The following CD99 variants were observed in gnomAD, a reference collection of about 807,000 sequenced individuals.
CD99 encodes CD99 molecule (Xg blood group).
A neutral mutation model predicts 28.4 loss-of-function variants in CD99; 19 were observed. That is an observed-to-expected ratio of 0.67 (90% confidence interval 0.47 to 0.98). The LOEUF is 0.98. Among genes scored for constraint, CD99 ranks in the 50% least tolerant of loss-of-function variants. The probability of loss-of-function intolerance (pLI) is 0.00; values close to 1 mark genes in which losing one functional copy is unlikely to be tolerated. For synonymous variants in CD99, 103 were observed against 92.1 expected (o/e 1.12, Z -0.67); for missense variants, 283 against 248.8 (o/e 1.14, Z -0.92).
intron 1 of CD99, among the ~76,000 whole-genome samples, chrX:2,713,405 A>G (rs776503657): frequency 3.2e-5 from 2 of 62,982 alleles, no homozygotes; most frequent in East Asian, 1.4e-3. Context: ...ACCCACACAT[A>G]CATGCACCTG....
Position 2,714,574 on chromosome X carries a change from C to A in CD99, c.100+120C>A, listed in dbSNP as rs775205818. The A allele has an allele frequency of 5.0e-5, 42 of 834,030 alleles. No homozygotes were observed. The South Asian group carries it at 6.6e-4, about 13-fold the overall frequency. The allele number at this position is 834,030 out of a possible 1,614,324, so 51.7% of individuals were successfully genotyped here. ...ACCACCGCAATAACAGGAGTCATAG[C>A]AATTTTTGGCTTCCCAGTACATATA... On this transcript the variant is annotated intron_variant, in intron 2 of 9. Coordinates refer to ENST00000381192, the MANE Select transcript of CD99 (RefSeq NM_002414.5).
At chrX:2,723,181 C>T in intron 6 of CD99, 133 bp from the exon 7 acceptor site, 2 of 903,920 alleles carry the variant, frequency 2.2e-6, no homozygotes, top group Non-Finnish European at 3.7e-6. Context: ...AGGCAGGACC[C>T]CAGCTCTGTA....
rs1351319096 is a variant in CD99, at chrX:2,726,965, G to A, written c.475+592G>A. Reference sequence around the variant, plus strand: ...ATCCTGGGTAACATGGTGAAACCCCGTCTCTACTAAAAATACAAAAAATTA... The same window carrying A: ...ATCCTGGGTAACATGGTGAAACCCCATCTCTACTAAAAATACAAAAAATTA... On this transcript the variant is annotated intron_variant, in intron 8 of 9. Coordinates refer to ENST00000381192, the MANE Select transcript of CD99 (RefSeq NM_002414.5). Among the ~76,000 whole-genome samples, 6 of 152,176 alleles carry A rather than the reference G, an allele frequency of 3.9e-5. No individual in the cohort carries two copies. In the East Asian group the frequency reaches 9.7e-4, roughly 25 times the overall value.
At chrX:2,709,253 C>T (rs1427486205) in intron 1 of CD99, among the ~76,000 whole-genome samples, 1 of 152,172 alleles carries the variant, frequency 6.6e-6, no homozygotes, top group African/African-American at 2.4e-5. Flanking sequence ...CACACGTGTG[C>T]ACCCACACAG....
intron 3 of CD99, 58 bp from the exon 4 acceptor site, chrX:2,719,603 C>G: frequency 2.1e-6 from 3 of 1,422,284 alleles, no homozygotes; most frequent in Non-Finnish European, 3.0e-6. Flanking sequence ...TTCACGAGGT[C>G]ATTCCTTCCT....
chrX:2,720,122 C>T (rs950795898), intron 4 of CD99, among the ~76,000 whole-genome samples: 1 of 152,162 alleles, frequency 6.6e-6, no homozygotes, highest in African/African-American at 2.4e-5. Context: ...CCTAGAAATT[C>T]TGTAGCTGGT....
intron 1 of CD99, among the ~76,000 whole-genome samples, chrX:2,698,983 G>C (rs1276236648): frequency 6.7e-6 from 1 of 149,616 alleles, no homozygotes. Context: ...CTGGAGTGCA[G>C]TGGTACAGTC....
At chrX:2,701,088 C>G (rs1244199205) in intron 1 of CD99, among the ~76,000 whole-genome samples, 1 of 151,950 alleles carries the variant, frequency 6.6e-6, no homozygotes, top group Non-Finnish European at 1.5e-5. Flanking sequence ...CCTATCCACC[C>G]TTACCTCCAT....
intron 5 of CD99, among the ~76,000 whole-genome samples, chrX:2,722,142 A>C (rs1308861232): frequency 3.4e-5 from 5 of 147,142 alleles, no homozygotes; most frequent in Admixed American, 6.7e-5. Context: ...AAAAAAAAAA[A>C]CAAACCTGCA....
chrX:2,726,216 A>T, intron 7 of CD99, 44 bp from the exon 8 acceptor site: 1 of 1,213,392 alleles, frequency 8.2e-7, no homozygotes, highest in Non-Finnish European at 1.2e-6. Context: ...TCTTCTCTGC[A>T]CCGTGCGTGT....
intron 3 of CD99, among the ~76,000 whole-genome samples, chrX:2,718,171 C>T (rs1291588555): frequency 1.3e-5 from 2 of 151,880 alleles, no homozygotes; most frequent in African/African-American, 4.8e-5. Flanking sequence ...GAACTCCTGA[C>T]TTCAGGCAAT....
intron 8 of CD99, chrX:2,733,406 G>A: frequency 1.3e-6 from 2 of 1,585,290 alleles, no homozygotes; most frequent in Non-Finnish European, 1.7e-6. Flanking sequence ...GGCCTGCGGA[G>A]CGTCCTGACC....
At chrX:2,735,834 G>A (rs1293743463) in intron 8 of CD99, among the ~76,000 whole-genome samples, 1 of 152,110 alleles carries the variant, frequency 6.6e-6, no homozygotes, top group Admixed American at 6.6e-5. Context: ...TCATTTAGTG[G>A]TTAGGGAGAA....
intron 8 of CD99, among the ~76,000 whole-genome samples, chrX:2,734,270 A>C (rs1487600342): frequency 7.9e-6 from 1 of 126,380 alleles, no homozygotes; most frequent in Non-Finnish European, 1.8e-5. Flanking sequence ...CTTATTTGTT[A>C]TATGTTATTT....
At chrX:2,738,169 G>A (rs371751626) in intron 8 of CD99, 31 bp from the exon 9 acceptor site, 1 of 1,604,332 alleles carries the variant, frequency 6.2e-7, no homozygotes, top group Non-Finnish European at 8.5e-7. Flanking sequence ...GTTGCACTGA[G>A]CCTCTCTGTG....
chrX:2,703,896 G>T (rs113908545), intron 1 of CD99, among the ~76,000 whole-genome samples: 1 of 152,004 alleles, frequency 6.6e-6, no homozygotes, highest in East Asian at 1.9e-4. Context: ...ATGGGATCTG[G>T]GCTGGCATCT....
chrX:2,714,604 TTA>T, intron 2 of CD99, 150 bp downstream of exon 2: 1 of 620,634 alleles, frequency 1.6e-6, no homozygotes, highest in Non-Finnish European at 2.9e-6. Flanking sequence ...CATATAAATG[TTA>T]TGTTTACTCT....
At chrX:2,704,859 A>G (rs918959930) in intron 1 of CD99, among the ~76,000 whole-genome samples, 1 of 152,112 alleles carries the variant, frequency 6.6e-6, no homozygotes, top group African/African-American at 2.4e-5. Flanking sequence ...GGACCATGGG[A>G]GTGCGTCACA....
At chrX:2,710,105 G>T (rs1281682742) in intron 1 of CD99, among the ~76,000 whole-genome samples, 14 of 152,338 alleles carry the variant, frequency 9.2e-5, no homozygotes, top group African/African-American at 3.1e-4. Context: ...CTCATGCTAG[G>T]ATTGCGTGTT....
Sources: allele counts gnomAD v4.1 joint callset (sites outside exome capture counted in the v4.1 genomes callset), GRCh38; gene constraint gnomAD v4.1.1; transcripts MANE v1.5; gene names NCBI Gene and HGNC (gene_info 2026-07-23, HGNC 2026-07-21).